ACACA: variants seen among roughly 807,000 people sequenced by gnomAD.
The protein encoded by ACACA is acetyl-CoA carboxylase 1.
In ACACA, 103 loss-of-function variants were observed where a neutral mutation model predicts 296.1. That is an observed-to-expected ratio of 0.35 (90% CI 0.30 to 0.41). ACACA has a LOEUF of 0.41. Ranked by LOEUF, ACACA falls within the 10% of genes least tolerant of loss-of-function variation. The pLI is 1.00. For missense variants in ACACA, 1,554 were observed against 2,989.7 expected (o/e 0.52, Z 11.20); for synonymous variants, 953 against 1,038.6 (o/e 0.92, Z 1.58).
intron 29 of ACACA, among the ~76,000 whole-genome samples, chr17:37,212,203 C>T (rs1009633358): frequency 5.3e-5 from 8 of 152,174 alleles, no homozygotes; most frequent in Non-Finnish European, 8.8e-5. Flanking sequence ...CAACTGTTAA[C>T]AAATTTCCTA....
chr17:37,261,753 T>C (rs1244114690), intron 11 of ACACA, among the ~76,000 whole-genome samples: 1 of 152,226 alleles, frequency 6.6e-6, no homozygotes, highest in Non-Finnish European at 1.5e-5. Flanking sequence ...TTCTATTATA[T>C]AGCAGGGAAT....
At chr17:37,394,135 T>C (rs2050992444) in intron 1 of ACACA, among the ~76,000 whole-genome samples, 1 of 152,166 alleles carries the variant, frequency 6.6e-6, no homozygotes, top group Admixed American at 6.6e-5. Context: ...TAGACCAAGT[T>C]ATACAAAACT....
chr17:37,259,555 A>AT, intron 11 of ACACA, 25 bp from the exon 12 acceptor site: 1 of 1,613,888 alleles, frequency 6.2e-7, no homozygotes, highest in Non-Finnish European at 8.5e-7. Flanking sequence ...ATAAGCAAAC[A>AT]TAAGTATCTC....
chr17:37,388,548 C>T, intron 1 of ACACA: 1 of 1,172,374 alleles, frequency 8.5e-7, no homozygotes, highest in Non-Finnish European at 1.2e-6. Context: ...TCTGCCTCTG[C>T]CTCTGGGTTA....
intron 25 of ACACA, among the ~76,000 whole-genome samples, chr17:37,232,163 A>G (rs2079892122): frequency 6.6e-6 from 1 of 152,214 alleles, no homozygotes. Context: ...CGCATATCCC[A>G]TGACATTGAC....
At chr17:37,319,052 C>G (rs2047224590) in intron 3 of ACACA, among the ~76,000 whole-genome samples, 2 of 152,116 alleles carry the variant, frequency 1.3e-5, no homozygotes, top group African/African-American at 4.8e-5. Context: ...TTCTGTTTCT[C>G]TATATGCTAC....
At chr17:37,167,366 T>G (rs950634135) in intron 41 of ACACA, among the ~76,000 whole-genome samples, 1 of 150,740 alleles carries the variant, frequency 6.6e-6, no homozygotes, top group African/African-American at 2.4e-5. Context: ...GTGCCTAGGT[T>G]GGAGTGCAGT....
intron 33 of ACACA, among the ~76,000 whole-genome samples, chr17:37,204,882 A>C (rs1414562214): frequency 6.6e-6 from 1 of 152,232 alleles, no homozygotes; most frequent in Admixed American, 6.5e-5. Flanking sequence ...GTGGGAAAAT[A>C]ACATGGTAAG....
intron 40 of ACACA, among the ~76,000 whole-genome samples, chr17:37,179,827 G>T (rs1458800059): frequency 6.6e-6 from 1 of 152,108 alleles, no homozygotes; most frequent in Admixed American, 6.5e-5. Flanking sequence ...AATCCAAGAA[G>T]GCCAGAATGA....
intron 3 of ACACA, among the ~76,000 whole-genome samples, chr17:37,325,405 A>G (rs1319139779): frequency 1.3e-5 from 2 of 151,524 alleles, no homozygotes; most frequent in East Asian, 1.9e-4. Flanking sequence ...CTTTCTTCTT[A>G]AATGTTCAAT....
chr17:37,321,393 G>A (rs183888659), intron 3 of ACACA, among the ~76,000 whole-genome samples: 1 of 152,298 alleles, frequency 6.6e-6, no homozygotes, highest in East Asian at 1.9e-4. Flanking sequence ...GGGAGGCCAA[G>A]GCAGGTGGAT....
intron 41 of ACACA, among the ~76,000 whole-genome samples, chr17:37,176,315 T>A (rs2077114019): frequency 6.6e-6 from 1 of 152,198 alleles, no homozygotes. Context: ...GGTAGAGCCG[T>A]CACTTTTGGA....
At chr17:37,217,549 C>T (rs1246565467) in intron 29 of ACACA, among the ~76,000 whole-genome samples, 1 of 151,710 alleles carries the variant, frequency 6.6e-6, no homozygotes, top group Admixed American at 6.6e-5. Flanking sequence ...TCCTGGCTAA[C>T]ACGGTGAAAC....
intron 29 of ACACA, chr17:37,221,522 C>T (rs2079289743): frequency 1.6e-6 from 1 of 637,628 alleles, no homozygotes; most frequent in South Asian, 1.8e-5. Flanking sequence ...TAATCCTAAA[C>T]TTTCATCTTA....
chr17:37,367,404 C>T (rs568198386), intron 1 of ACACA, among the ~76,000 whole-genome samples: 7 of 152,154 alleles, frequency 4.6e-5, no homozygotes, highest in Admixed American at 2.0e-4. Flanking sequence ...GTCTCAAGAG[C>T]GGCAGCAACT....
chr17:37,185,325 G>A (rs1363725272), intron 39 of ACACA, among the ~76,000 whole-genome samples: 2 of 151,678 alleles, frequency 1.3e-5, no homozygotes, highest in Non-Finnish European at 2.9e-5. Context: ...CTCAAACTCC[G>A]GGGCCCAAGT....
At chr17:37,338,975 G>A (rs2048264168) in intron 2 of ACACA, among the ~76,000 whole-genome samples, 1 of 151,660 alleles carries the variant, frequency 6.6e-6, no homozygotes, top group Admixed American at 6.6e-5. Flanking sequence ...AAGGCAGAGA[G>A]GGAGGGAAAA....
chr17:37,087,461 G>A, intron 55 of ACACA, 22 bp from the exon 56 acceptor site: 1 of 1,614,014 alleles, frequency 6.2e-7, no homozygotes, highest in Non-Finnish European at 8.5e-7. Flanking sequence ...GATTGAGAAT[G>A]GTGAAGAAAA....
intron 54 of ACACA, among the ~76,000 whole-genome samples, chr17:37,089,557 T>G (rs1454637084): frequency 6.6e-6 from 1 of 152,208 alleles, no homozygotes; most frequent in Non-Finnish European, 1.5e-5. Context: ...AGTCACTGGA[T>G]GGATGAAGTC....
Sources: allele counts gnomAD v4.1 joint callset (sites outside exome capture counted in the v4.1 genomes callset), GRCh38; gene constraint gnomAD v4.1.1; transcripts MANE v1.5; gene names NCBI Gene and HGNC (gene_info 2026-07-23, HGNC 2026-07-21).